TPST1: variants seen among roughly 807,000 people sequenced by gnomAD.
TPST1 encodes protein-tyrosine sulfotransferase 1.
A neutral mutation model predicts 34.8 loss-of-function variants in TPST1; 20 were observed. That is an observed-to-expected ratio of 0.57 (90% CI 0.40 to 0.84). The LOEUF is 0.84. TPST1 is among the 40% of genes least tolerant of loss of function. TPST1 has a pLI of 0.00. For missense variants in TPST1, 353 were observed against 455.5 expected, an observed-to-expected ratio of 0.78 and a Z score of 2.05; for synonymous variants, 152 against 159.4, an observed-to-expected ratio of 0.95 and a Z score of 0.35.
intron 3 of TPST1, among the ~76,000 whole-genome samples, chr7:66,305,392 G>A (rs2173571): frequency 0.2 from 31,108 of 151,826 alleles, 3,667 homozygotes; most frequent in East Asian, 0.3. Context: ...TTCATTCTGG[G>A]GTGTATGTAC....
chr7:66,340,356 C>A (rs1792211678), intron 3 of TPST1, among the ~76,000 whole-genome samples: 1 of 152,128 alleles, frequency 6.6e-6, no homozygotes, highest in South Asian at 2.1e-4. Context: ...ACTCTAACCA[C>A]TTCTGTTCAA....
At chr7:66,311,058 G>A (rs1387181675) in intron 3 of TPST1, among the ~76,000 whole-genome samples, 1 of 151,946 alleles carries the variant, frequency 6.6e-6, no homozygotes, top group East Asian at 1.9e-4. Flanking sequence ...GGCCTTCAAA[G>A]CAACAACCAT....
At chr7:66,352,849 G>A (rs1792509777) in intron 4 of TPST1, 1 of 985,420 alleles carries the variant, frequency 1.0e-6, no homozygotes, top group African/African-American at 1.7e-5. Context: ...GCCGCCCAGT[G>A]GGTAAAGCTG....
intron 1 of TPST1, among the ~76,000 whole-genome samples, chr7:66,233,502 A>G (rs967901872): frequency 6.6e-6 from 1 of 152,198 alleles, no homozygotes; most frequent in East Asian, 1.9e-4. Flanking sequence ...GTCAAAAATC[A>G]CTTTCCCATA....
chr7:66,349,741 G>C (rs898914077), intron 3 of TPST1, among the ~76,000 whole-genome samples: 1 of 152,160 alleles, frequency 6.6e-6, no homozygotes, highest in East Asian at 1.9e-4. Context: ...GGCCTGGAAA[G>C]TAGGGGCTGG....
chr7:66,251,589 G>C (rs1462010654), intron 2 of TPST1, among the ~76,000 whole-genome samples: 1 of 152,172 alleles, frequency 6.6e-6, no homozygotes, highest in Admixed American at 6.5e-5. Flanking sequence ...GTAAGCACCC[G>C]ATTTGAATAG....
intron 3 of TPST1, among the ~76,000 whole-genome samples, chr7:66,295,692 C>T (rs1044462298): frequency 6.6e-6 from 1 of 152,106 alleles, no homozygotes; most frequent in Admixed American, 6.5e-5. Context: ...CAGAGTCTTG[C>T]TCTGTTGGCA....
At position 66,266,078 on chromosome 7, in the gene TPST1, C is replaced by T. The variant is rs555524122; in HGVS notation, c.846-20433C>T. Among the ~76,000 whole-genome samples, 8 of 152,316 alleles carry T rather than the reference C, an allele frequency of 5.3e-5. No individual in the cohort carries two copies. In the South Asian group the frequency reaches 1.7e-3, roughly 32 times the overall value. ...TAAAGAACATGGGTCAAGTTAACTACATCGGTTAACTTAGCACTGGCCCAA... is the reference window on the plus strand; with the variant it reads ...TAAAGAACATGGGTCAAGTTAACTATATCGGTTAACTTAGCACTGGCCCAA... On this transcript the variant is annotated intron_variant, in intron 2 of 5. Coordinates refer to ENST00000304842, the MANE Select transcript of TPST1 (RefSeq NM_003596.4).
chr7:66,293,152 G>A (rs1037092405), intron 3 of TPST1, among the ~76,000 whole-genome samples: 4 of 151,766 alleles, frequency 2.6e-5, no homozygotes, highest in African/African-American at 7.3e-5. Context: ...CTTGCAGTGA[G>A]TAGAGATCAC....
intron 3 of TPST1, among the ~76,000 whole-genome samples, chr7:66,295,721 A>G (rs1003314624): frequency 1.2e-4 from 19 of 152,138 alleles, no homozygotes; most frequent in African/African-American, 3.4e-4. Flanking sequence ...GCTTACTGCA[A>G]CCTGTGTCTC....
At chr7:66,302,691 G>T (rs1166086715) in intron 3 of TPST1, among the ~76,000 whole-genome samples, 1 of 152,122 alleles carries the variant, frequency 6.6e-6, no homozygotes, top group Non-Finnish European at 1.5e-5. Flanking sequence ...TCTCTGTGAA[G>T]AACTCATCCT....
chr7:66,319,149 T>C (rs1791697825), intron 3 of TPST1, among the ~76,000 whole-genome samples: 1 of 152,220 alleles, frequency 6.6e-6, no homozygotes, highest in African/African-American at 2.4e-5. Context: ...TTTCTTTGAA[T>C]ATTTCTTCTT....
intron 3 of TPST1, among the ~76,000 whole-genome samples, chr7:66,296,487 T>A (rs1791201134): frequency 6.6e-6 from 1 of 152,062 alleles, no homozygotes; most frequent in East Asian, 1.9e-4. Flanking sequence ...GCACTGATGA[T>A]CATGAGGTTT....
intron 5 of TPST1, among the ~76,000 whole-genome samples, chr7:66,358,514 C>T (rs1289836047): frequency 6.6e-6 from 1 of 152,010 alleles, no homozygotes; most frequent in Non-Finnish European, 1.5e-5. Flanking sequence ...ACCACTCTGG[C>T]AAGCTGGTAG....
chr7:66,208,550 C>A (rs142221219), intron 1 of TPST1, among the ~76,000 whole-genome samples: 161 of 152,184 alleles, frequency 1.1e-3, no homozygotes, highest in African/African-American at 3.6e-3. Flanking sequence ...TTCGCTGCAA[C>A]CTCTGCCTCC....
intron 2 of TPST1, among the ~76,000 whole-genome samples, chr7:66,275,924 T>C (rs1790799985): frequency 1.3e-5 from 2 of 152,136 alleles, no homozygotes; most frequent in Admixed American, 6.5e-5. Context: ...ATTAGCTTGA[T>C]TGAGCCATTT....
intron 2 of TPST1, among the ~76,000 whole-genome samples, chr7:66,277,012 C>T (rs536827980): frequency 1.2e-4 from 18 of 152,114 alleles, no homozygotes; most frequent in East Asian, 3.8e-4. Context: ...TCTGGTAAAG[C>T]GTTAAATAAT....
intron 1 of TPST1, among the ~76,000 whole-genome samples, chr7:66,216,000 T>TGACC: frequency 6.6e-6 from 1 of 152,024 alleles, no homozygotes; most frequent in African/African-American, 2.4e-5. Flanking sequence ...CTGGATCTCC[T>TGACC]GACCTTGTGA....
chr7:66,244,880 A>T (rs4149459), intron 2 of TPST1, among the ~76,000 whole-genome samples: 24 of 152,226 alleles, frequency 1.6e-4, no homozygotes, highest in Non-Finnish European at 3.1e-4. Flanking sequence ...GAATATAGCA[A>T]CTATTAAACA....
Sources: allele counts gnomAD v4.1 joint callset (sites outside exome capture counted in the v4.1 genomes callset), GRCh38; gene constraint gnomAD v4.1.1; transcripts MANE v1.5; gene names NCBI Gene and HGNC (gene_info 2026-07-23, HGNC 2026-07-21).